Variants in LANCL2 observed in about 807,000 individuals in gnomAD.
The protein encoded by LANCL2 is LanC like glutathione S-transferase 2, also known as lanC-like protein 2.
LANCL2 carries 33 observed loss-of-function variants against 56.9 expected under a neutral mutation model. The ratio of observed to expected loss-of-function variants is 0.58; its 90% CI spans 0.44 to 0.78. The LOEUF (loss-of-function observed/expected upper bound fraction) is 0.78, where lower values mean the gene tolerates loss of function less well. LANCL2 is among the 30% of genes least tolerant of loss of function. The pLI is 0.00. For synonymous variants in LANCL2, 233 were observed against 228.2 expected, an observed-to-expected ratio of 1.02 and a Z score of -0.19; for missense variants, 562 against 580.2, an observed-to-expected ratio of 0.97 and a Z score of 0.32.
chr7:55,397,119 G>A (rs1257133399), intron 2 of LANCL2: 1 of 152,124 alleles, frequency 6.6e-6, no homozygotes, highest in Non-Finnish European at 1.5e-5. Flanking sequence ...TATATACCCT[G>A]AATAGAAAAA....
chr7:55,416,140 A>T (rs564008324), intron 6 of LANCL2, among the ~76,000 whole-genome samples: 1 of 152,206 alleles, frequency 6.6e-6, no homozygotes, highest in African/African-American at 2.4e-5. Flanking sequence ...TTGATGTTGA[A>T]AGTCTTTTTA....
intron 5 of LANCL2, among the ~76,000 whole-genome samples, chr7:55,401,720 A>C (rs1486710283): frequency 1.5e-5 from 2 of 132,054 alleles, no homozygotes; most frequent in Non-Finnish European, 3.2e-5. Flanking sequence ...TGGGTACTTG[A>C]GATTAGGGAG....
intron 1 of LANCL2, among the ~76,000 whole-genome samples, chr7:55,388,556 A>C (rs1046407446): frequency 3.9e-5 from 6 of 152,214 alleles, no homozygotes; most frequent in African/African-American, 1.2e-4. Context: ...AAAGGAATGG[A>C]GAGGAAAGAG....
chr7:55,424,766 C>T (rs1231942203), intron 6 of LANCL2, among the ~76,000 whole-genome samples: 3 of 152,188 alleles, frequency 2.0e-5, no homozygotes, highest in African/African-American at 7.2e-5. Context: ...CAGCAGCGAG[C>T]AAGCGAAGCT....
chr7:55,393,718 A>G (rs971083938), intron 2 of LANCL2, among the ~76,000 whole-genome samples: 4 of 152,206 alleles, frequency 2.6e-5, no homozygotes, highest in African/African-American at 7.2e-5. Flanking sequence ...TTATTTGCCT[A>G]TTATGCATGC....
At chr7:55,409,095 T>G (rs981450976) in intron 5 of LANCL2, among the ~76,000 whole-genome samples, 10 of 151,720 alleles carry the variant, frequency 6.6e-5, no homozygotes, top group Non-Finnish European at 1.2e-4. Context: ...TTTCCAAGTT[T>G]TTTTTTTTTT....
chr7:55,430,916 G>A (rs1323499710), intron 8 of LANCL2, among the ~76,000 whole-genome samples: 1 of 152,190 alleles, frequency 6.6e-6, no homozygotes, highest in African/African-American at 2.4e-5. Context: ...CCGTGTATAG[G>A]AATATCGTAA....
intron 3 of LANCL2, 88 bp from the exon 4 acceptor site, chr7:55,399,869 G>A (rs1583753769): frequency 1.0e-6 from 1 of 972,222 alleles, no homozygotes; most frequent in African/African-American, 1.6e-5. Flanking sequence ...ATAAATAATA[G>A]GTAATTCCTA....
At chr7:55,416,657 T>C (rs1294123809) in intron 6 of LANCL2, among the ~76,000 whole-genome samples, 3 of 152,156 alleles carry the variant, frequency 2.0e-5, no homozygotes, top group Admixed American at 6.6e-5. Context: ...AAAGAATTCT[T>C]TATATGTTCT....
In LANCL2 at chr7:55,433,620, A is replaced by G. The variant is rs967329612; in HGVS notation, c.*2300A>G. 1 of 152,240 alleles carries G rather than the reference A, an allele frequency of 6.6e-6. No homozygotes were observed. The highest frequency in any genetic ancestry group is 2.4e-5 in the African/African-American group (1 of 41,464). The allele number at this position is 152,240 out of a possible 1,614,324, so 9.4% of individuals were successfully genotyped here. A position where few individuals can be genotyped will look rare whatever the true frequency, so the allele number is the denominator to read the frequency against. On this transcript the variant is annotated 3_prime_UTR_variant, in exon 9 of 9. Transcript: ENST00000254770. ...TTCTCTAAAATGTGTCTAAATTTTA[A>G]AAATATGTACATGCATAATGTCATT...
At chr7:55,368,755 G>GT (rs1280289252) in intron 1 of LANCL2, among the ~76,000 whole-genome samples, 2 of 151,348 alleles carry the variant, frequency 1.3e-5, no homozygotes, top group East Asian at 3.9e-4. Context: ...ACCTCAGAAT[G>GT]TGACATTTGG....
chr7:55,401,078 C>A (rs544971415), intron 4 of LANCL2, 96 bp from the exon 5 acceptor site: 24 of 911,588 alleles, frequency 2.6e-5, no homozygotes, highest in East Asian at 2.3e-4. Context: ...CTGCCTCTCT[C>A]TCTATATATG....
rs886470814 is a variant in LANCL2, at chr7:55,432,343, T to C, written c.*1023T>C. ...TGCATTTCCTATTTTTTGTCTACTT[T>C]TGGGTGATAAAAAGTACTAGCCCTT... On this transcript the variant is annotated 3_prime_UTR_variant, in exon 9 of 9. Coordinates refer to ENST00000254770, the MANE Select transcript of LANCL2 (RefSeq NM_018697.4). 2 of 152,208 alleles carry C rather than the reference T, an allele frequency of 1.3e-5. No individual in the cohort carries two copies. Among genetic ancestry groups the C allele is most frequent in the Non-Finnish European group, 2.9e-5 (2 of 68,038 alleles). The allele number at this position is 152,208 out of a possible 1,614,324, so 9.4% of individuals were successfully genotyped here. A position where few individuals can be genotyped will look rare whatever the true frequency, so the allele number is the denominator to read the frequency against.
intron 1 of LANCL2, among the ~76,000 whole-genome samples, chr7:55,383,355 G>A (rs558324767): frequency 4.6e-5 from 7 of 152,126 alleles, no homozygotes; most frequent in Non-Finnish European, 1.0e-4. Flanking sequence ...TGGGAGGCTG[G>A]AGGAGGCAGT....
chr7:55,383,751 C>T (rs1265400041), intron 1 of LANCL2, among the ~76,000 whole-genome samples: 1 of 152,142 alleles, frequency 6.6e-6, no homozygotes, highest in African/African-American at 2.4e-5. Context: ...GCAGGAGAAT[C>T]GCTTGAACCT....
chr7:55,425,762 A>G (rs1355272174), intron 7 of LANCL2, among the ~76,000 whole-genome samples: 2 of 152,336 alleles, frequency 1.3e-5, no homozygotes, highest in African/African-American at 2.4e-5. Flanking sequence ...ACAGACAGAA[A>G]AAAAATACTA....
In LANCL2 at chr7:55,432,114, C is replaced by T. The variant is rs1200527956; in HGVS notation, c.*794C>T. On this transcript the variant is annotated 3_prime_UTR_variant, in exon 9 of 9. Coordinates refer to ENST00000254770, the MANE Select transcript of LANCL2 (RefSeq NM_018697.4). ...AGCAGTGACTAAGCACTGGCAGTTC[C>T]AGAACATTTACCCAGGTATATGTTA... 6.6e-6 allele frequency: 1 copy of T among 152,198 alleles called. No individual in the cohort carries two copies. Among genetic ancestry groups the T allele is most frequent in the African/African-American group, 2.4e-5 (1 of 41,450 alleles). 9.4% of individuals were successfully genotyped at this position (152,198 alleles called of 1,614,324 possible).
chr7:55,371,511 T>C (rs1169487609), intron 1 of LANCL2, among the ~76,000 whole-genome samples: 1 of 152,238 alleles, frequency 6.6e-6, no homozygotes, highest in African/African-American at 2.4e-5. Flanking sequence ...ATTGTTTCCT[T>C]TGCTGTGCAG....
intron 1 of LANCL2, among the ~76,000 whole-genome samples, chr7:55,370,045 C>G (rs1562854997): frequency 6.6e-6 from 1 of 152,210 alleles, no homozygotes; most frequent in African/African-American, 2.4e-5. Flanking sequence ...GTGGTTCTGG[C>G]TCACGGTCTC....
Sources: gnomAD v4.1 joint callset for allele counts (sites outside exome capture counted in the v4.1 genomes callset) on GRCh38, gnomAD v4.1.1 for gene constraint, MANE v1.5 for transcripts, NCBI Gene and HGNC (gene_info 2026-07-23, HGNC 2026-07-21) for gene names.